The following ARHGAP24 variants were observed in gnomAD, a reference collection of about 807,000 sequenced individuals.
ARHGAP24 encodes the protein rho GTPase-activating protein 24.
A neutral mutation model predicts 76.4 loss-of-function variants in ARHGAP24; 50 were observed. The observed-to-expected ratio is 0.65, with a 90% CI of 0.52 to 0.83. The LOEUF (loss-of-function observed/expected upper bound fraction) is 0.83, where lower values mean the gene tolerates loss of function less well. Ranked by LOEUF, ARHGAP24 falls within the 40% of genes least tolerant of loss-of-function variation. The pLI, the probability that ARHGAP24 is intolerant of heterozygous loss-of-function variation, is 0.00. For synonymous variants in ARHGAP24, 345 were observed against 323.3 expected (o/e 1.07, Z -0.72); for missense variants, 930 against 914.2 (o/e 1.02, Z -0.22).
At chr4:85,860,504 C>G (rs942175991) in intron 3 of ARHGAP24, among the ~76,000 whole-genome samples, 1 of 152,040 alleles carries the variant, frequency 6.6e-6, no homozygotes, top group Non-Finnish European at 1.5e-5. Context: ...GAACAAGAGG[C>G]TTTTACTGCA....
intron 2 of ARHGAP24, among the ~76,000 whole-genome samples, chr4:85,637,094 G>C (rs751255293): frequency 2.0e-5 from 3 of 152,076 alleles, no homozygotes; most frequent in Admixed American, 6.6e-5. Flanking sequence ...TTAAATACAT[G>C]TGTGGCACAG....
In ARHGAP24 at chr4:85,497,925, C is replaced by A. The variant is rs183361165; in HGVS notation, c.-21+22366C>A. 1.1e-3 allele frequency among the ~76,000 whole-genome samples: 175 copies of A among 152,274 alleles called. 1 individual carries two copies. The highest frequency in any genetic ancestry group is 2.1e-3 in the Non-Finnish European group (141 of 68,022). ...GTCTTTGAACACACGGCAGTTTTGC[C>A]AGGTTTGGGTCTCCCTCGGTGTTCA... On this transcript the variant is annotated intron_variant, in intron 1 of 9. Transcript: ENST00000395184.
At chr4:85,884,606 A>G (rs1297848963) in intron 3 of ARHGAP24, among the ~76,000 whole-genome samples, 1 of 152,180 alleles carries the variant, frequency 6.6e-6, no homozygotes, top group Non-Finnish European at 1.5e-5. Context: ...GGGGGTCTAT[A>G]AACTAATCTC....
At chr4:85,737,121 T>A (rs1560608869) in intron 3 of ARHGAP24, among the ~76,000 whole-genome samples, 1 of 137,764 alleles carries the variant, frequency 7.3e-6, no homozygotes, top group Admixed American at 7.3e-5. Flanking sequence ...ATAATGGTTT[T>A]GTTTGTTTGT....
chr4:85,941,817 C>G (rs1736964435), intron 4 of ARHGAP24, among the ~76,000 whole-genome samples: 1 of 152,152 alleles, frequency 6.6e-6, no homozygotes, highest in African/African-American at 2.4e-5. Context: ...ATCGATATCT[C>G]AAACTCAGTG....
At chr4:85,545,896 T>G (rs1289100879) in intron 1 of ARHGAP24, among the ~76,000 whole-genome samples, 3 of 152,180 alleles carry the variant, frequency 2.0e-5, no homozygotes, top group African/African-American at 4.8e-5. Flanking sequence ...TTTGAATGTC[T>G]GGGGCTATTC....
intron 3 of ARHGAP24, among the ~76,000 whole-genome samples, chr4:85,874,831 A>AAATATATTTTATATAATTATATAT (rs1560688069): frequency 1.5e-4 from 1 of 6,708 alleles, no homozygotes; most frequent in Non-Finnish European, 2.8e-4. Flanking sequence ...ATTTATATAT[A>AAATATATTTTATATAATTATATAT]AAATATATTT....
At chr4:85,864,275 G>C (rs749971189) in intron 3 of ARHGAP24, among the ~76,000 whole-genome samples, 2 of 152,202 alleles carry the variant, frequency 1.3e-5, no homozygotes, top group Admixed American at 6.6e-5. Flanking sequence ...TGGCCTTGCT[G>C]TCTGCCTAAG....
chr4:85,782,776 T>A (rs1433439133), intron 3 of ARHGAP24, among the ~76,000 whole-genome samples: 1 of 152,234 alleles, frequency 6.6e-6, no homozygotes, highest in Non-Finnish European at 1.5e-5. Flanking sequence ...CATATTGGCC[T>A]TTGTTTAACA....
chr4:85,599,576 C>T (rs931080314), intron 2 of ARHGAP24, among the ~76,000 whole-genome samples: 2 of 152,032 alleles, frequency 1.3e-5, no homozygotes, highest in African/African-American at 4.8e-5. Flanking sequence ...ATATTAATAA[C>T]CACACTTTGA....
intron 1 of ARHGAP24, among the ~76,000 whole-genome samples, chr4:85,564,969 TAC>T (rs1491186304): frequency 5.7e-5 from 6 of 105,370 alleles, no homozygotes; most frequent in African/African-American, 1.5e-4. Flanking sequence ...TATATATATA[TAC>T]CCACACCCAC....
intron 3 of ARHGAP24, among the ~76,000 whole-genome samples, chr4:85,753,991 C>T (rs913439660): frequency 3.9e-5 from 6 of 152,050 alleles, no homozygotes; most frequent in Admixed American, 1.3e-4. Flanking sequence ...TTCTATTGCC[C>T]TCTATTGAAT....
intron 3 of ARHGAP24, among the ~76,000 whole-genome samples, chr4:85,787,740 G>A (rs1364331056): frequency 2.6e-5 from 4 of 152,136 alleles, no homozygotes; most frequent in Non-Finnish European, 2.9e-5. Flanking sequence ...GAGACATCAG[G>A]TTCTTGAGGG....
chr4:85,834,161 A>T (rs999119052), intron 3 of ARHGAP24, among the ~76,000 whole-genome samples: 1 of 152,202 alleles, frequency 6.6e-6, no homozygotes, highest in Non-Finnish European at 1.5e-5. Flanking sequence ...AGAGGTAGAA[A>T]AAGTTGGGGG....
At chr4:85,575,246 A>T (rs927540999) in intron 2 of ARHGAP24, among the ~76,000 whole-genome samples, 1 of 152,184 alleles carries the variant, frequency 6.6e-6, no homozygotes, top group African/African-American at 2.4e-5. Flanking sequence ...TAAAAAATAA[A>T]GTTGATTTTG....
intron 1 of ARHGAP24, among the ~76,000 whole-genome samples, chr4:85,554,096 C>A (rs1391507490): frequency 2.6e-5 from 4 of 152,156 alleles, no homozygotes; most frequent in Admixed American, 6.5e-5. Flanking sequence ...TTATTGGTTG[C>A]AAATTCTTTT....
intron 1 of ARHGAP24, among the ~76,000 whole-genome samples, chr4:85,488,321 T>G (rs1723226804): frequency 6.6e-6 from 1 of 151,964 alleles, no homozygotes; most frequent in Non-Finnish European, 1.5e-5. Flanking sequence ...ATAAATTTGG[T>G]GAAAGTTTAG....
intron 4 of ARHGAP24, among the ~76,000 whole-genome samples, chr4:85,939,734 G>C (rs188018005): frequency 6.6e-6 from 1 of 152,160 alleles, no homozygotes; most frequent in East Asian, 1.9e-4. Context: ...TTTGAGAAAA[G>C]AATGTTTGAC....
At chr4:85,730,757 A>G (rs1725369915) in intron 3 of ARHGAP24, among the ~76,000 whole-genome samples, 1 of 143,422 alleles carries the variant, frequency 7.0e-6, no homozygotes, top group Non-Finnish European at 1.5e-5. Context: ...ATAACAATAC[A>G]TTATTTGTAA....
Sources: allele counts gnomAD v4.1 joint callset (sites outside exome capture counted in the v4.1 genomes callset), GRCh38; gene constraint gnomAD v4.1.1; transcripts MANE v1.5; gene names NCBI Gene and HGNC (gene_info 2026-07-23, HGNC 2026-07-21).